ITFG1: variants seen among roughly 807,000 people sequenced by gnomAD.
ITFG1 encodes integrin alpha FG-GAP repeat containing 1, also known as T-cell immunomodulatory protein.
ITFG1 carries 34 observed loss-of-function variants against 81.8 expected under a neutral mutation model. That is an observed-to-expected ratio of 0.42 (90% confidence interval 0.32 to 0.55). ITFG1 has a LOEUF of 0.55. ITFG1 is among the 20% of genes least tolerant of loss of function. The pLI is 0.17. For missense variants in ITFG1, 672 were observed against 755.4 expected (o/e 0.89, Z 1.29); for synonymous variants, 285 against 270.6 (o/e 1.05, Z -0.52).
intron 14 of ITFG1, among the ~76,000 whole-genome samples, chr16:47,204,978 T>G (rs1428414910): frequency 6.6e-6 from 1 of 152,190 alleles, no homozygotes; most frequent in Non-Finnish European, 1.5e-5. Flanking sequence ...CCCAGGACCA[T>G]CAGATGTACC....
intron 2 of ITFG1, among the ~76,000 whole-genome samples, chr16:47,455,572 C>T (rs932694383): frequency 4.6e-5 from 7 of 151,552 alleles, no homozygotes; most frequent in Non-Finnish European, 1.0e-4. Flanking sequence ...AATTTGAGAC[C>T]AGCCTGGCCA....
At chr16:47,206,032 A>T (rs527249530) in intron 14 of ITFG1, among the ~76,000 whole-genome samples, 1 of 151,714 alleles carries the variant, frequency 6.6e-6, no homozygotes, top group East Asian at 1.9e-4. Flanking sequence ...CGCCTGGCTA[A>T]TTTTTATATT....
At chr16:47,260,145 G>T (rs1349731267) in intron 11 of ITFG1, among the ~76,000 whole-genome samples, 1 of 151,812 alleles carries the variant, frequency 6.6e-6, no homozygotes, top group East Asian at 1.9e-4. Context: ...CTCTGTGTTA[G>T]CCAGGATGGT....
chr16:47,258,997 C>T (rs1171581882), intron 11 of ITFG1, among the ~76,000 whole-genome samples: 1 of 152,076 alleles, frequency 6.6e-6, no homozygotes, highest in Non-Finnish European at 1.5e-5. Flanking sequence ...TGTTTCTTTC[C>T]AGTCAAATTT....
At chr16:47,392,993 C>T (rs962294025) in intron 6 of ITFG1, among the ~76,000 whole-genome samples, 9 of 152,140 alleles carry the variant, frequency 5.9e-5, no homozygotes, top group Admixed American at 2.0e-4. Context: ...AAAGAAGAGG[C>T]CAAGCATGAG....
Position 47,451,419 on chromosome 16 carries a change from G to T in ITFG1, c.537C>A (p.Asn179Lys). The T allele has an allele frequency of 6.3e-7, 1 of 1,584,118 alleles. No individual in the cohort carries two copies. Among genetic ancestry groups the T allele is most frequent in the Non-Finnish European group, 8.7e-7 (1 of 1,153,630 alleles). Reference sequence around the variant, plus strand: ...ACCCTCCTAATAGTATCTGTGGCTGGTTGGATTCATTTGTGATACCAAAAA... The same window carrying T: ...ACCCTCCTAATAGTATCTGTGGCTGTTTGGATTCATTTGTGATACCAAAAA... The part of the protein sequence containing the change: ...PDIFGITNES[N>K]QPQILLGGNL... The change falls in exon 5 of 18, where the codon AAC becomes AAA. Residue 179 changes from asparagine to lysine, a missense_variant. Coordinates refer to ENST00000320640, the MANE Select transcript of ITFG1 (RefSeq NM_030790.5).
intron 13 of ITFG1, among the ~76,000 whole-genome samples, chr16:47,231,436 C>G (rs1486625206): frequency 6.6e-6 from 1 of 152,180 alleles, no homozygotes; most frequent in Non-Finnish European, 1.5e-5. Flanking sequence ...AATATAAATA[C>G]TCTTTTGATT....
At chr16:47,349,600 CAAT>C (rs1027179048) in intron 8 of ITFG1, among the ~76,000 whole-genome samples, 7 of 152,162 alleles carry the variant, frequency 4.6e-5, no homozygotes, top group African/African-American at 9.7e-5. Flanking sequence ...GACTCCCACA[CAAT>C]AATAATGGGA....
chr16:47,402,656 A>T (rs1596959850), intron 6 of ITFG1, among the ~76,000 whole-genome samples: 1 of 152,330 alleles, frequency 6.6e-6, no homozygotes, highest in East Asian at 1.9e-4. Context: ...GACTAAAATG[A>T]TTCTGTCTAT....
At chr16:47,412,385 C>T (rs1049999284) in intron 6 of ITFG1, among the ~76,000 whole-genome samples, 53 of 152,238 alleles carry the variant, frequency 3.5e-4, no homozygotes, top group African/African-American at 1.2e-3. Flanking sequence ...TGAAAGACGA[C>T]ATAGTCATTT....
chr16:47,347,848 T>A (rs529937467), intron 8 of ITFG1, among the ~76,000 whole-genome samples: 1 of 152,282 alleles, frequency 6.6e-6, no homozygotes, highest in South Asian at 2.1e-4. Context: ...AGACGGAACT[T>A]CCAGAGGAAC....
intron 7 of ITFG1, among the ~76,000 whole-genome samples, chr16:47,367,362 C>CT (rs763492481): frequency 4.6e-5 from 7 of 152,196 alleles, no homozygotes; most frequent in African/African-American, 7.2e-5. Flanking sequence ...CCTTCAGACT[C>CT]TCCCCCATTC....
intron 6 of ITFG1, among the ~76,000 whole-genome samples, chr16:47,379,688 CAAA>C (rs796178640): frequency 6.8e-5 from 5 of 73,930 alleles, no homozygotes; most frequent in Non-Finnish European, 8.5e-5. Context: ...TATTCCATCT[CAAA>C]AAAAAAAAAA....
At chr16:47,456,500 G>T in intron 2 of ITFG1, among the ~76,000 whole-genome samples, 1 of 152,108 alleles carries the variant, frequency 6.6e-6, no homozygotes, top group Non-Finnish European at 1.5e-5. Context: ...ACACCAGCCC[G>T]GGCAACACGG....
At chr16:47,440,558 A>C (rs1238717338) in intron 5 of ITFG1, among the ~76,000 whole-genome samples, 2 of 152,236 alleles carry the variant, frequency 1.3e-5, no homozygotes, top group East Asian at 3.8e-4. Flanking sequence ...AACTACATAG[A>C]AAATGAACAA....
intron 12 of ITFG1, among the ~76,000 whole-genome samples, chr16:47,243,554 T>C (rs914103707): frequency 6.6e-6 from 1 of 152,156 alleles, no homozygotes; most frequent in African/African-American, 2.4e-5. Context: ...TATGAAATAC[T>C]GGAAACCAGA....
chr16:47,338,174 C>T (rs960061223), intron 8 of ITFG1, among the ~76,000 whole-genome samples: 4 of 152,206 alleles, frequency 2.6e-5, no homozygotes, highest in African/African-American at 9.6e-5. Flanking sequence ...CTTTGGGAGT[C>T]TGAGGTGGGT....
At chr16:47,189,416 A>G (rs919831831) in intron 14 of ITFG1, among the ~76,000 whole-genome samples, 4 of 152,178 alleles carry the variant, frequency 2.6e-5, no homozygotes, top group East Asian at 1.9e-4. Flanking sequence ...TTCTACCTCT[A>G]TGAAGTTGCC....
intron 5 of ITFG1, among the ~76,000 whole-genome samples, chr16:47,438,886 C>T (rs531672436): frequency 1.3e-5 from 2 of 152,104 alleles, no homozygotes; most frequent in South Asian, 2.1e-4. Context: ...CAAACTACTC[C>T]GAGCTAAATG....
Sources: gnomAD v4.1 joint callset for allele counts (sites outside exome capture counted in the v4.1 genomes callset) on GRCh38, gnomAD v4.1.1 for gene constraint, MANE v1.5 for transcripts, NCBI Gene and HGNC (gene_info 2026-07-23, HGNC 2026-07-21) for gene names.